The following SPTBN4 variants were observed in gnomAD, a reference collection of about 807,000 sequenced individuals.
SPTBN4 encodes the protein spectrin beta, non-erythrocytic 4.
SPTBN4 carries 96 observed loss-of-function variants against 277.8 expected under a neutral mutation model. The observed-to-expected ratio is 0.35, with a 90% CI of 0.29 to 0.41. SPTBN4 has a LOEUF of 0.41. Among genes scored for constraint, SPTBN4 ranks in the 10% least tolerant of loss-of-function variants. SPTBN4 has a pLI of 1.00. For missense variants in SPTBN4, 3,006 were observed against 3,595.7 expected (o/e 0.84, Z 4.19); for synonymous variants, 1,481 against 1,580.3 (o/e 0.94, Z 1.49).
chr19:40,569,581 T>C (rs1393718019), intron 31 of SPTBN4, 76 bp from the exon 32 acceptor site: 2 of 1,487,390 alleles, frequency 1.3e-6, no homozygotes, highest in African/African-American at 2.8e-5. Flanking sequence ...AAGTGGAGGC[T>C]CCTCTGCCCA....
chr19:40,531,838 T>G (rs2080678421), intron 18 of SPTBN4, among the ~76,000 whole-genome samples: 1 of 151,914 alleles, frequency 6.6e-6, no homozygotes. Flanking sequence ...TGGCTAGATT[T>G]TGGGGTAGAC....
intron 1 of SPTBN4, among the ~76,000 whole-genome samples, chr19:40,470,019 G>A (rs559607475): frequency 8.6e-5 from 13 of 150,786 alleles, no homozygotes; most frequent in African/African-American, 2.9e-4. Context: ...TTTTTTCTGA[G>A]ATGGGGTCTC....
intron 33 of SPTBN4, 74 bp downstream of exon 33, chr19:40,570,802 A>G: frequency 1.3e-6 from 2 of 1,501,258 alleles, no homozygotes; most frequent in Non-Finnish European, 8.9e-7. Context: ...GGTGGGACTG[A>G]GGAGGGGGTG....
In SPTBN4 at chr19:40,567,913, C is replaced by G. The variant is rs1389148489; in HGVS notation, c.6587C>G (p.Pro2196Arg). The change falls in exon 31 of 36, where the codon CCG becomes CGG. Residue 2196 changes from proline to arginine, a missense_variant. Physicochemically the swap from Pro to Arg is moderately radical, Grantham distance 103 (BLOSUM62 -2). Coordinates refer to ENST00000598249, the MANE Select transcript of SPTBN4 (RefSeq NM_020971.3). ...CTCCAGCCGCGCATTGACCGGCTGC[C>G]GGAGATCCCGGGGAGGGTGGAGCCC... ...ERLQPRIDRL[P>R]EIPGRVEPAA... 6.5e-5 allele frequency: 99 copies of G among 1,522,032 alleles called. No homozygotes were observed. The highest frequency in any genetic ancestry group is 8.2e-5 in the Non-Finnish European group (93 of 1,138,200). 94.3% of individuals were successfully genotyped at this position (1,522,032 alleles called of 1,614,324 possible).
At chr19:40,494,386 A>G (rs573352631) in intron 5 of SPTBN4, among the ~76,000 whole-genome samples, 17 of 139,100 alleles carry the variant, frequency 1.2e-4, no homozygotes, top group Middle Eastern at 4.2e-3. Context: ...CTCTGTCTAT[A>G]TCTTGCTCTC....
At position 40,557,410 on chromosome 19, in the gene SPTBN4, C is replaced by T. The variant is rs781488277; in HGVS notation, c.5670+7C>T. The T allele has an allele frequency of 3.7e-5, 57 of 1,545,234 alleles. No individual in the cohort carries two copies. In the East Asian group the frequency reaches 3.9e-4, roughly 11 times the overall value. On this transcript the variant is annotated splice_region_variant and intron_variant, in intron 26 of 35. Transcript: ENST00000598249. ...GCAGCTCCTCGTGTCCCAGGTGGGGCGCCGGTGGCCATCAGGGCAGGTGGG... is the reference window on the plus strand; with the variant it reads ...GCAGCTCCTCGTGTCCCAGGTGGGGTGCCGGTGGCCATCAGGGCAGGTGGG...
In SPTBN4 at chr19:40,515,920, C is replaced by T. The variant is rs1331375309; in HGVS notation, c.2903+472C>T. On this transcript the variant is annotated intron_variant, in intron 15 of 35. Transcript: ENST00000598249. This position sits in a 1 kb window ranked among gnomAD's most constrained non-coding sequence, Gnocchi z 4.1. ...CACACAAAATATATATATACACACA[C>T]ATATATATACACACATATATACGTA... is the stretch of plus-strand genomic sequence containing the variant. Among the ~76,000 whole-genome samples the T allele has an allele frequency of 3.6e-5, 4 of 110,386 alleles. No individual in the cohort carries two copies. Among genetic ancestry groups the T allele is most frequent in the Non-Finnish European group, 1.8e-5 (1 of 56,556 alleles). 72.4% of individuals were successfully genotyped at this position (110,386 alleles called of 152,430 possible).
chr19:40,516,222 A>G (rs1201729668), intron 15 of SPTBN4, among the ~76,000 whole-genome samples: 4 of 143,336 alleles, frequency 2.8e-5, no homozygotes, highest in Non-Finnish European at 6.0e-5. Flanking sequence ...TGGGCAATAG[A>G]GCCAGACCTT....
rs149143067 is a variant in SPTBN4, at chr19:40,515,867, TGC to T, written c.2903+424_2903+425del. Among the ~76,000 whole-genome samples, 378 of 124,734 alleles carry T rather than the reference TGC, an allele frequency of 3.0e-3. 20 individuals are homozygous for T. The highest frequency in any genetic ancestry group is 7.2e-3 in the African/African-American group (198 of 27,518). The allele number at this position is 124,734 out of a possible 152,430, so 81.8% of individuals were successfully genotyped here. ...GTGAAACCCCGTCTCTCTCTCTACG[TGC>T]GCGCACACACACACACACACACACA... On this transcript the variant is annotated intron_variant, in intron 15 of 35. Transcript: ENST00000598249. The surrounding 1 kb of genome is among the most constrained non-coding windows in gnomAD (Gnocchi z 4.1).
At position 40,565,505 on chromosome 19, in the gene SPTBN4, A is replaced by G. The variant is rs781380946; in HGVS notation, c.5998A>G (p.Thr2000Ala). The change falls in exon 28 of 36, where the codon ACC becomes GCC. Residue 2000 changes from threonine to alanine, a missense_variant. Physicochemically the swap from Thr to Ala is moderately conservative, Grantham distance 58. Coordinates refer to ENST00000598249, the MANE Select transcript of SPTBN4 (RefSeq NM_020971.3). ...ELEARVPELT[T>A]CQELGRSLLL... is the part of the protein sequence containing the mutation. ...GGAGGCGCGGGTGCCTGAGCTGACC[A>G]CCTGCCAGGAGCTGGGGCGATCTCT... The G allele has an allele frequency of 9.9e-6, 16 of 1,613,988 alleles. No individual in the cohort carries two copies. Among genetic ancestry groups the G allele is most frequent in the Non-Finnish European group, 1.1e-5 (13 of 1,180,008 alleles).
intron 20 of SPTBN4, among the ~76,000 whole-genome samples, chr19:40,538,206 T>C (rs2080759813): frequency 6.8e-6 from 1 of 147,588 alleles, no homozygotes; most frequent in African/African-American, 2.5e-5. Context: ...CTGGGCAACA[T>C]GGCAAAACCC....
chr19:40,512,863 T>C lies in SPTBN4; in HGVS notation c.2074T>C (p.Ser692Pro). Reference protein sequence around the residue: ...AGTAGGAHDLSSTARLLAQHK... With the variant: ...AGTAGGAHDLPSTARLLAQHK... ...AACAGCGGGCGGCGCGCATGACCTG[T>C]CCAGCACAGCGCGCCTCCTGGCCCA... Residue 692 changes from serine (S) to proline (P), a missense_variant, in exon 14 of 36, where the codon TCC (serine) becomes CCC (proline). Ser to Pro is a moderately conservative substitution (Grantham distance 74, BLOSUM62 -1). Around this residue, in one of 5 missense-constraint regions of SPTBN4, gnomAD observed 1,759 missense variants for 2,061.5 expected, o/e 0.85. Transcript: ENST00000598249. 6.9e-7 allele frequency: 1 copy of C among 1,450,406 alleles called. No individual in the cohort carries two copies. Among genetic ancestry groups the C allele is most frequent in the Non-Finnish European group, 9.0e-7 (1 of 1,113,936 alleles). The allele number at this position is 1,450,406 out of a possible 1,614,324, so 89.8% of individuals were successfully genotyped here. A position where few individuals can be genotyped will look rare whatever the true frequency, so the allele number is the denominator to read the frequency against.
At position 40,490,041 on chromosome 19, in the gene SPTBN4, G is replaced by T; in HGVS notation, c.322-34G>T. The T allele has an allele frequency of 6.4e-7, 1 of 1,567,006 alleles. No homozygotes were observed. Among genetic ancestry groups the T allele is most frequent in the South Asian group, 1.2e-5 (1 of 84,296 alleles). On this transcript the variant is annotated intron_variant, in intron 3 of 35. Transcript: ENST00000598249. This position sits in a 1 kb window ranked among gnomAD's most constrained non-coding sequence, Gnocchi z 4.3. Reference sequence around the variant, plus strand: ...AGGGCGCCATACTCCTGTCTGTCCAGACCCCCGATCGCCCACCGCCCCTGT... The same window carrying T: ...AGGGCGCCATACTCCTGTCTGTCCATACCCCCGATCGCCCACCGCCCCTGT...
intron 20 of SPTBN4, among the ~76,000 whole-genome samples, chr19:40,538,370 G>A (rs1214948904): frequency 1.3e-5 from 2 of 149,406 alleles, no homozygotes; most frequent in Non-Finnish European, 1.5e-5. Context: ...CAGCCTGGGT[G>A]ACAGAGTGAG....
intron 20 of SPTBN4, among the ~76,000 whole-genome samples, chr19:40,544,358 G>A (rs1309576981): frequency 6.7e-6 from 1 of 149,910 alleles, no homozygotes; most frequent in Non-Finnish European, 1.5e-5. Context: ...TGGCCAGCAT[G>A]GTGTCTATCT....
rs1409103136 is a variant in SPTBN4, at chr19:40,520,169, A to G, written c.3654+18A>G. On this transcript the variant is annotated intron_variant, in intron 16 of 35. Transcript: ENST00000598249. ...GTAACCAGGTGCCCACTCGGGGTGTACATTTCGGAGAGGGAGAGTCCGAGG... is the reference window on the plus strand; with the variant it reads ...GTAACCAGGTGCCCACTCGGGGTGTGCATTTCGGAGAGGGAGAGTCCGAGG... 2.2e-6 allele frequency: 3 copies of G among 1,378,090 alleles called. No individual in the cohort carries two copies. Among genetic ancestry groups the G allele is most frequent in the Non-Finnish European group, 2.8e-6 (3 of 1,065,510 alleles). The allele number at this position is 1,378,090 out of a possible 1,614,324, so 85.4% of individuals were successfully genotyped here.
chr19:40,511,165 G>T lies in SPTBN4; in HGVS notation c.1817-1441G>T, dbSNP rs60558712. Among the ~76,000 whole-genome samples, 1,156 of 152,224 alleles carry T rather than the reference G, an allele frequency of 7.6e-3. 13 individuals carry two copies. Among genetic ancestry groups the T allele is most frequent in the African/African-American group, 0.026 (1,064 of 41,524 alleles). On this transcript the variant is annotated intron_variant, in intron 13 of 35. Transcript: ENST00000598249. ...TCAGGCCTGTAATCCCAGCATTTTAGGAGGCTGAGGGGGGCGGATCATGAG... is the reference window on the plus strand; with the variant it reads ...TCAGGCCTGTAATCCCAGCATTTTATGAGGCTGAGGGGGGCGGATCATGAG...
intron 4 of SPTBN4, among the ~76,000 whole-genome samples, chr19:40,491,728 A>AAAAAAAAAAAAAAAAAAAAAAAC (rs2080138861): frequency 6.7e-6 from 1 of 148,396 alleles, no homozygotes; most frequent in African/African-American, 2.5e-5. Context: ...AAAAAAAAAA[A>AAAAAAAAAAAAAAAAAAAAAAAC]AAAAAAAAAA....
intron 16 of SPTBN4, among the ~76,000 whole-genome samples, chr19:40,523,082 C>T (rs1244804897): frequency 6.6e-5 from 10 of 152,162 alleles, no homozygotes; most frequent in Admixed American, 2.0e-4. Flanking sequence ...TGCAGTGAGC[C>T]GGGATTGCAC....
Sources: allele counts gnomAD v4.1 joint callset (sites outside exome capture counted in the v4.1 genomes callset), GRCh38; gene constraint gnomAD v4.1.1; regional missense constraint gnomAD v4.1.1; non-coding constraint Gnocchi (gnomAD v3.1); transcripts MANE v1.5; gene names NCBI Gene and HGNC (gene_info 2026-07-23, HGNC 2026-07-21).